STK38: variants seen among roughly 807,000 people sequenced by gnomAD.
The protein encoded by STK38 is serine/threonine-protein kinase 38.
In STK38, 26 loss-of-function variants were observed where a neutral mutation model predicts 59.0. The ratio of observed to expected loss-of-function variants is 0.44; its 90% confidence interval spans 0.32 to 0.61. The LOEUF (loss-of-function observed/expected upper bound fraction) is 0.61, where lower values mean the gene tolerates loss of function less well. Ranked by LOEUF, STK38 falls within the 20% of genes least tolerant of loss-of-function variation. The pLI is 0.04. For synonymous variants in STK38, 175 were observed against 176.6 expected (o/e 0.99, Z 0.07); for missense variants, 433 against 566.0 (o/e 0.76, Z 2.38).
At chr6:36,529,668 A>G (rs1021774730) in intron 2 of STK38, among the ~76,000 whole-genome samples, 4 of 152,162 alleles carry the variant, frequency 2.6e-5, no homozygotes, top group African/African-American at 7.2e-5. Flanking sequence ...GGCAGGGACT[A>G]TATCTGAATT....
chr6:36,545,368 T>G (rs1260322543), intron 1 of STK38, among the ~76,000 whole-genome samples: 25 of 151,856 alleles, frequency 1.6e-4, no homozygotes, highest in South Asian at 2.1e-4. Flanking sequence ...TTTGACTAAT[T>G]TAAGTAGCTG....
At chr6:36,525,113 A>G (rs925196654) in intron 3 of STK38, among the ~76,000 whole-genome samples, 1 of 152,122 alleles carries the variant, frequency 6.6e-6, no homozygotes, top group Admixed American at 6.6e-5. Flanking sequence ...TAGGACAAAT[A>G]CCTCATGCAT....
Position 36,495,822 on chromosome 6 carries a change from T to G in STK38, c.1360A>C (p.Arg454=), listed in dbSNP as rs1158215902. Residue 454 remains arginine (R), a synonymous_variant, in exon 14 of 14, where the codon AGG becomes CGG. Coordinates refer to ENST00000229812, the MANE Select transcript of STK38 (RefSeq NM_007271.4). ...TYKRFEGLTA[R]GAIPSYMKAA... The stretch of plus-strand genomic sequence containing the variant: ...TTCATGTAGGAAGGTATTGCCCCCC[T>G]TGCAGTCAGGCCCTCAAAGCGCTTG... The G allele has an allele frequency of 1.2e-6, 2 of 1,614,048 alleles. No individual in the cohort carries two copies. Among genetic ancestry groups the G allele is most frequent in the South Asian group, 1.1e-5 (1 of 91,080 alleles).
At chr6:36,543,768 A>C (rs906017771) in intron 1 of STK38, among the ~76,000 whole-genome samples, 7 of 152,136 alleles carry the variant, frequency 4.6e-5, no homozygotes, top group African/African-American at 1.4e-4. Flanking sequence ...CAGCCTCCCA[A>C]GTAGTTGGGA....
chr6:36,536,349 G>C (rs140191938), intron 2 of STK38, among the ~76,000 whole-genome samples: 1 of 151,984 alleles, frequency 6.6e-6, no homozygotes, highest in Non-Finnish European at 1.5e-5. Flanking sequence ...ATGGAACATA[G>C]GAGAAAATCC....
intron 6 of STK38, 77 bp from the exon 7 acceptor site, chr6:36,515,569 G>C (rs1398256931): frequency 5.7e-6 from 9 of 1,579,276 alleles, no homozygotes; most frequent in South Asian, 2.3e-5. Flanking sequence ...ATACGAGTGA[G>C]TACCAATTTT....
chr6:36,515,319 G>A lies in STK38; in HGVS notation c.669+19C>T, dbSNP rs373522126. 41 of 1,612,554 alleles carry A rather than the reference G, an allele frequency of 2.5e-5. No individual in the cohort carries two copies. The African/African-American group carries it at 5.3e-4, about 21-fold the overall frequency. ...AGATCAGTAAACGTGCATAGTTCATGCCAATGCCCCCCCAATACCTTGCTG... is the reference window on the plus strand; with the variant it reads ...AGATCAGTAAACGTGCATAGTTCATACCAATGCCCCCCCAATACCTTGCTG... On this transcript the variant is annotated intron_variant, in intron 7 of 13. Coordinates refer to ENST00000229812, the MANE Select transcript of STK38 (RefSeq NM_007271.4).
intron 2 of STK38, among the ~76,000 whole-genome samples, chr6:36,528,914 G>T (rs938333179): frequency 6.6e-6 from 1 of 152,100 alleles, no homozygotes; most frequent in Admixed American, 6.5e-5. Context: ...TTTTCCACAG[G>T]TTTACTGAAG....
chr6:36,544,627 T>C (rs746448606), intron 1 of STK38, among the ~76,000 whole-genome samples: 3 of 152,208 alleles, frequency 2.0e-5, no homozygotes, highest in Non-Finnish European at 2.9e-5. Flanking sequence ...TGCACCCCTG[T>C]AATCTCAGCA....
intron 6 of STK38, 72 bp downstream of exon 6, chr6:36,517,645 G>C: frequency 6.4e-7 from 1 of 1,574,120 alleles, no homozygotes; most frequent in Admixed American, 1.8e-5. Flanking sequence ...AGAAAGGAGG[G>C]TTAATCGTGA....
At chr6:36,502,081 A>G (rs1776854506) in intron 9 of STK38, among the ~76,000 whole-genome samples, 1 of 152,208 alleles carries the variant, frequency 6.6e-6, no homozygotes, top group Non-Finnish European at 1.5e-5. Flanking sequence ...TATCTCATCA[A>G]GACTTGGCTT....
chr6:36,499,470 A>G (rs1459126003), intron 10 of STK38, among the ~76,000 whole-genome samples: 3 of 152,112 alleles, frequency 2.0e-5, no homozygotes, highest in African/African-American at 7.2e-5. Flanking sequence ...CACCAATACA[A>G]TAAGAGGGAG....
chr6:36,517,698 T>C lies in STK38; in HGVS notation c.514+19A>G, dbSNP rs1369052662. 9 of 1,609,546 alleles carry C rather than the reference T, an allele frequency of 5.6e-6. No individual in the cohort carries two copies. The highest frequency in any genetic ancestry group is 7.6e-6 in the Non-Finnish European group (9 of 1,177,708). ...ACAGAACAAAAAGAAAAAATGACCT[T>C]TCATCGTCAAGTAATTACCTCCAGG... On this transcript the variant is annotated intron_variant, in intron 6 of 13. Transcript: ENST00000229812.
chr6:36,541,249 A>T lies in STK38; in HGVS notation c.-5-1042T>A, dbSNP rs922704292. Among the ~76,000 whole-genome samples, 8 of 152,320 alleles carry T rather than the reference A, an allele frequency of 5.3e-5. No homozygotes were observed. The East Asian group carries it at 1.5e-3, about 29-fold the overall frequency. Reference sequence around the variant, plus strand: ...TAGTGCAAGTGCATATTGCATTTTTAAAAAGAGAACAAGATCACAATACCA... The same window carrying T: ...TAGTGCAAGTGCATATTGCATTTTTTAAAAGAGAACAAGATCACAATACCA... On this transcript the variant is annotated intron_variant, in intron 1 of 13. Coordinates refer to ENST00000229812, the MANE Select transcript of STK38 (RefSeq NM_007271.4).
intron 3 of STK38, 66 bp from the exon 4 acceptor site, chr6:36,524,529 C>T (rs997701415): frequency 6.6e-6 from 10 of 1,519,284 alleles, no homozygotes; most frequent in Non-Finnish European, 8.8e-6. Flanking sequence ...TGTAACAAGT[C>T]ATGTTTGTGA....
At chr6:36,546,025 A>AT (rs1778046148) in intron 1 of STK38, among the ~76,000 whole-genome samples, 2 of 152,194 alleles carry the variant, frequency 1.3e-5, no homozygotes, top group Non-Finnish European at 2.9e-5. Context: ...CTGACAATCC[A>AT]TTATCTTTCA....
At chr6:36,506,754 T>C (rs2127470517) in intron 8 of STK38, 110 bp from the exon 9 acceptor site, 1 of 897,124 alleles carries the variant, frequency 1.1e-6, no homozygotes, top group Non-Finnish European at 1.7e-6. Context: ...GCTTTTCTTC[T>C]ACTCATACAT....
intron 9 of STK38, among the ~76,000 whole-genome samples, chr6:36,505,943 T>C (rs1776951985): frequency 6.6e-6 from 1 of 152,228 alleles, no homozygotes; most frequent in Non-Finnish European, 1.5e-5. Context: ...AAATTCTGCT[T>C]AGACAGCAAT....
chr6:36,517,824 G>T lies in STK38; in HGVS notation c.407C>A (p.Ala136Glu). 6.2e-7 allele frequency: 1 copy of T among 1,613,744 alleles called. No individual in the cohort carries two copies. The highest frequency in any genetic ancestry group is 2.2e-5 in the East Asian group (1 of 44,872). ...TGCCTCCACTAGAATGTCACGCTCC[G>T]CACGAATGTGGCCAACCTGGAGGTA... The part of the protein sequence containing the change: ...LEKEQVGHIR[A>E]ERDILVEADS... The change falls in exon 6 of 14, where the codon GCG (alanine) becomes GAG (glutamate). Residue 136 changes from alanine (A) to glutamate (E), a missense_variant. By Grantham distance (107) the Ala-to-Glu change is moderately radical (BLOSUM62 -1). Around this residue, in one of 3 missense-constraint regions of STK38, gnomAD observed 293 missense variants for 388.2 expected, o/e 0.75. Transcript: ENST00000229812.
Sources: allele counts gnomAD v4.1 joint callset (sites outside exome capture counted in the v4.1 genomes callset), GRCh38; gene constraint gnomAD v4.1.1; regional missense constraint gnomAD v4.1.1; transcripts MANE v1.5; gene names NCBI Gene and HGNC (gene_info 2026-07-23, HGNC 2026-07-21).